Variants in PLB1 observed in about 807,000 individuals in gnomAD.
PLB1 encodes the protein phospholipase B1, also known as phospholipase B1, membrane-associated.
PLB1 carries 242 observed loss-of-function variants against 227.4 expected under a neutral mutation model. The observed-to-expected ratio is 1.06, with a 90% CI of 0.96 to 1.18. The LOEUF (loss-of-function observed/expected upper bound fraction) is 1.18, where lower values mean the gene tolerates loss of function less well. Ranked by LOEUF, PLB1 falls within the 50% of genes most tolerant of loss-of-function variation. PLB1 has a pLI of 0.00. For missense variants in PLB1, 1,858 were observed against 1,816.3 expected (o/e 1.02, Z -0.42); for synonymous variants, 757 against 682.2 (o/e 1.11, Z -1.71).
rs769410956 is a variant in PLB1, at chr2:28,541,854, C to T, written c.879+43C>T. The T allele has an allele frequency of 1.7e-5, 25 of 1,486,882 alleles. 1 individual carries two copies. Among genetic ancestry groups the T allele is most frequent in the Admixed American group, 3.4e-5 (2 of 59,592 alleles). The allele number at this position is 1,486,882 out of a possible 1,614,324, so 92.1% of individuals were successfully genotyped here. On this transcript the variant is annotated intron_variant, in intron 13 of 57. Coordinates refer to ENST00000327757, the MANE Select transcript of PLB1 (RefSeq NM_153021.5). ...GGCGTATCAAGAGTGTGGTGGGGGCCGGGCATGGTGGCTCACTCCTGTAAT... is the reference window on the plus strand; with the variant it reads ...GGCGTATCAAGAGTGTGGTGGGGGCTGGGCATGGTGGCTCACTCCTGTAAT...
chr2:28,642,274 C>T (rs1690060780), intron 57 of PLB1, among the ~76,000 whole-genome samples: 1 of 152,190 alleles, frequency 6.6e-6, no homozygotes, highest in African/African-American at 2.4e-5. Context: ...CACATCTTAA[C>T]CCTCCAGTCT....
intron 14 of PLB1, among the ~76,000 whole-genome samples, chr2:28,547,541 G>A (rs1162534716): frequency 6.6e-6 from 1 of 152,218 alleles, no homozygotes; most frequent in African/African-American, 2.4e-5. Context: ...GGGCACAGAT[G>A]CTGGGGTAAG....
In PLB1 at chr2:28,620,949, A is replaced by G; in HGVS notation, c.3498A>G (p.Leu1166=). The part of the protein sequence containing the change: ...STSTWEGTAG[L]NVAAEGARAR... ...GCACCTGGGAGGGGACAGCAGGACTAAATGTGGCAGCGGAAGGGGCCAGAG... is the reference window on the plus strand; with the variant it reads ...GCACCTGGGAGGGGACAGCAGGACTGAATGTGGCAGCGGAAGGGGCCAGAG... The change falls in exon 49 of 58, where the codon CTA becomes CTG. Residue 1166 remains leucine, a synonymous_variant. Transcript: ENST00000327757. 3 of 1,613,548 alleles carry G rather than the reference A, an allele frequency of 1.9e-6. No individual in the cohort carries two copies. The highest frequency in any genetic ancestry group is 1.7e-4 in the Middle Eastern group (1 of 6,056).
intron 11 of PLB1, 132 bp downstream of exon 11, chr2:28,539,310 C>T: frequency 1.3e-6 from 1 of 795,414 alleles, no homozygotes. Context: ...CCGAGAAACA[C>T]ATGCGAGCTC....
At chr2:28,515,571 C>T (rs938193211) in intron 1 of PLB1, among the ~76,000 whole-genome samples, 3 of 152,192 alleles carry the variant, frequency 2.0e-5, no homozygotes, top group African/African-American at 7.2e-5. Flanking sequence ...TGCCTGATCT[C>T]ACAGTGGGCA....
At chr2:28,591,871 T>C (rs1667935358) in intron 31 of PLB1, 111 bp downstream of exon 31, 1 of 1,110,720 alleles carries the variant, frequency 9.0e-7, no homozygotes, top group Non-Finnish European at 1.3e-6. Context: ...TGACGGCCAG[T>C]GCTTGCTGTC....
intron 20 of PLB1, among the ~76,000 whole-genome samples, chr2:28,572,794 G>T (rs538448859): frequency 6.6e-6 from 1 of 152,282 alleles, no homozygotes; most frequent in African/African-American, 2.4e-5. Flanking sequence ...TCTTTCTGGG[G>T]TGATGAAAAT....
At chr2:28,551,696 C>T (rs1674287874) in intron 16 of PLB1, among the ~76,000 whole-genome samples, 1 of 152,224 alleles carries the variant, frequency 6.6e-6, no homozygotes, top group Non-Finnish European at 1.5e-5. Flanking sequence ...GATACTTAAC[C>T]TCTCTGTGCC....
rs1044258600 is a variant in PLB1, at chr2:28,579,559, G to A, written c.1486-68G>A. 6 of 1,280,316 alleles carry A rather than the reference G, an allele frequency of 4.7e-6. No individual in the cohort carries two copies. In the South Asian group the frequency reaches 7.2e-5, roughly 15 times the overall value. 79.3% of individuals were successfully genotyped at this position (1,280,316 alleles called of 1,614,324 possible). A position where few individuals can be genotyped will look rare whatever the true frequency, so the allele number is the denominator to read the frequency against. ...AGGACCCATCTTTTCTAGTTTGCAA[G>A]CATTTTGTGTTTTCCTTGACTTGAC... On this transcript the variant is annotated intron_variant, in intron 22 of 57. Transcript: ENST00000327757.
In PLB1 at chr2:28,582,482, C is replaced by T. The variant is rs775514864; in HGVS notation, c.1710C>T (p.Val570=). The change falls in exon 25 of 58, where the codon GTC becomes GTT. Residue 570 remains valine (V), a synonymous_variant. Transcript: ENST00000327757. The part of the protein sequence containing the change: ...NLRELYQEKK[V]YCPRMILRSL... ...GGGAGCTGTACCAGGAGAAAAAAGTCTACTGCCCAAGGATGATCCTCAGGT... is the reference window on the plus strand; with the variant it reads ...GGGAGCTGTACCAGGAGAAAAAAGTTTACTGCCCAAGGATGATCCTCAGGT... 9 of 1,610,114 alleles carry T rather than the reference C, an allele frequency of 5.6e-6. No homozygotes were observed. In the East Asian group the frequency reaches 1.6e-4, roughly 28 times the overall value.
At chr2:28,577,984 C>T in intron 21 of PLB1, 123 bp from the exon 22 acceptor site, 1 of 894,694 alleles carries the variant, frequency 1.1e-6, no homozygotes, top group Non-Finnish European at 1.8e-6. Flanking sequence ...GCCTTCAGTC[C>T]ATTTTCCTGC....
chr2:28,503,053 C>G lies in PLB1; in HGVS notation c.55+6884C>G, dbSNP rs535309562. ...TCTGTTATCCCTTCAATACCTGTAG[C>G]TTCTGTAGTCATGTCCTTTTTGTTT... On this transcript the variant is annotated intron_variant, in intron 1 of 57. Transcript: ENST00000327757. Among the ~76,000 whole-genome samples, 19 of 152,154 alleles carry G rather than the reference C, an allele frequency of 1.2e-4. No individual in the cohort carries two copies. In the South Asian group the frequency reaches 3.9e-3, roughly 32 times the overall value.
intron 4 of PLB1, among the ~76,000 whole-genome samples, chr2:28,524,367 C>A (rs1187133190): frequency 6.6e-6 from 1 of 152,164 alleles, no homozygotes; most frequent in Admixed American, 6.5e-5. Flanking sequence ...GACGTGATTC[C>A]CAGTCAAGTT....
intron 44 of PLB1, 36 bp downstream of exon 44, chr2:28,614,132 A>C: frequency 6.4e-7 from 1 of 1,565,462 alleles, no homozygotes; most frequent in Non-Finnish European, 8.8e-7. Flanking sequence ...TCTCAGACAC[A>C]AACCATTTCC....
At chr2:28,540,239 T>A in intron 11 of PLB1, 127 bp from the exon 12 acceptor site, 1 of 730,512 alleles carries the variant, frequency 1.4e-6, no homozygotes, top group Non-Finnish European at 2.4e-6. Context: ...CTAAGACTTA[T>A]GCTTCTTCAT....
chr2:28,526,231 A>G (rs1670247058), intron 6 of PLB1, among the ~76,000 whole-genome samples: 1 of 152,084 alleles, frequency 6.6e-6, no homozygotes, highest in Non-Finnish European at 1.5e-5. Flanking sequence ...GCCAGCTGGA[A>G]TGGGTGTCGG....
At chr2:28,593,127 T>C (rs1412716748) in intron 32 of PLB1, among the ~76,000 whole-genome samples, 2 of 152,224 alleles carry the variant, frequency 1.3e-5, no homozygotes, top group African/African-American at 4.8e-5. Flanking sequence ...GACTCCTTAG[T>C]TGTGGATGAA....
At chr2:28,549,771 G>A (rs917907678) in intron 15 of PLB1, among the ~76,000 whole-genome samples, 3 of 152,200 alleles carry the variant, frequency 2.0e-5, no homozygotes, top group Admixed American at 1.3e-4. Context: ...ACTTAGCCTG[G>A]TAGCATGAAC....
intron 56 of PLB1, among the ~76,000 whole-genome samples, chr2:28,634,523 G>T (rs1322352671): frequency 6.6e-6 from 1 of 152,146 alleles, no homozygotes; most frequent in African/African-American, 2.4e-5. Flanking sequence ...GCTTAAATCT[G>T]GGACCCTCCA....
Sources: gnomAD v4.1 joint callset for allele counts (sites outside exome capture counted in the v4.1 genomes callset) on GRCh38, gnomAD v4.1.1 for gene constraint, MANE v1.5 for transcripts, NCBI Gene and HGNC (gene_info 2026-07-23, HGNC 2026-07-21) for gene names.